The following TXNDC8 variants were observed in gnomAD, a reference collection of about 807,000 sequenced individuals.
TXNDC8 encodes thioredoxin domain-containing protein 8.
TXNDC8 carries 15 observed loss-of-function variants against 12.9 expected under a neutral mutation model. The ratio of observed to expected loss-of-function variants is 1.16; its 90% confidence interval spans 0.78 to 1.79. TXNDC8 has a LOEUF of 1.79. Among genes scored for constraint, TXNDC8 ranks in the 40% most tolerant of loss-of-function variants. The pLI, the probability that TXNDC8 is intolerant of heterozygous loss-of-function variation, is 0.00. For missense variants in TXNDC8, 128 were observed against 113.2 expected (o/e 1.13, Z -0.59); for synonymous variants, 40 against 35.4 (o/e 1.13, Z -0.46).
rs151020799 is a variant in TXNDC8 at position 110,327,356 on chromosome 9, C to T, written c.130-1116G>A. On this transcript the variant is annotated intron_variant, in intron 2 of 4. Coordinates refer to ENST00000423740, the MANE Select transcript of TXNDC8 (RefSeq NM_001286946.2). The stretch of plus-strand genomic sequence containing the variant: ...TTTTTTTTTGAGATGGAATTTCGCT[C>T]TTGTCGCCCTGGCTGGAGTGCAATG... Among the ~76,000 whole-genome samples the T allele has an allele frequency of 9.1e-3, 1,369 of 149,690 alleles. 19 individuals are homozygous for T. Among genetic ancestry groups the T allele is most frequent in the African/African-American group, 0.032 (1,305 of 40,572 alleles).
At chr9:110,318,424 G>A (rs1361031636) in intron 3 of TXNDC8, among the ~76,000 whole-genome samples, 1 of 152,120 alleles carries the variant, frequency 6.6e-6, no homozygotes, top group Non-Finnish European at 1.5e-5. Context: ...AGAAGAGCAG[G>A]GTAGGTACTG....
At chr9:110,316,122 C>G (rs1028895719) in intron 3 of TXNDC8, among the ~76,000 whole-genome samples, 3 of 150,202 alleles carry the variant, frequency 2.0e-5, no homozygotes, top group Non-Finnish European at 4.4e-5. Flanking sequence ...CTACTACCTG[C>G]TAGGCTGGTC....
intron 3 of TXNDC8, among the ~76,000 whole-genome samples, chr9:110,324,840 G>C (rs762702475): frequency 1.3e-5 from 2 of 152,144 alleles, no homozygotes; most frequent in Admixed American, 1.3e-4. Flanking sequence ...CACCAAGTGC[G>C]GTGGCACATG....
intron 3 of TXNDC8, among the ~76,000 whole-genome samples, chr9:110,325,564 T>C (rs886070596): frequency 4.8e-5 from 7 of 147,102 alleles, no homozygotes; most frequent in Admixed American, 1.4e-4. Flanking sequence ...TCGCCCAGGC[T>C]GGATGGAGTG....
intron 3 of TXNDC8, among the ~76,000 whole-genome samples, chr9:110,315,158 C>G (rs1185550919): frequency 6.6e-6 from 1 of 152,190 alleles, no homozygotes; most frequent in African/African-American, 2.4e-5. Context: ...AGTGCAATGG[C>G]ATGCTCTTGG....
At chr9:110,330,300 C>T (rs996741647) in intron 2 of TXNDC8, among the ~76,000 whole-genome samples, 6 of 152,190 alleles carry the variant, frequency 3.9e-5, no homozygotes, top group Non-Finnish European at 4.4e-5. Context: ...CTCTGGGTTT[C>T]CTGCTTTTAG....
chr9:110,321,533 G>T (rs771489382), intron 3 of TXNDC8, among the ~76,000 whole-genome samples: 1 of 152,066 alleles, frequency 6.6e-6, no homozygotes, highest in Non-Finnish European at 1.5e-5. Flanking sequence ...TGAACTCTAG[G>T]TTTTATTTTT....
intron 1 of TXNDC8, 141 bp downstream of exon 1, chr9:110,337,629 TAAA>T: frequency 2.7e-6 from 2 of 752,624 alleles, no homozygotes; most frequent in African/African-American, 1.8e-5. Flanking sequence ...AGGAACAAGA[TAAA>T]GAACAAGAAT....
intron 3 of TXNDC8, among the ~76,000 whole-genome samples, chr9:110,314,625 G>GT (rs1276041943): frequency 6.6e-6 from 1 of 151,754 alleles, no homozygotes. Flanking sequence ...GTAGAGACGG[G>GT]GTTTCACTGT....
intron 2 of TXNDC8, chr9:110,329,239 T>C (rs1279388768): frequency 1.2e-6 from 2 of 1,612,156 alleles, no homozygotes; most frequent in East Asian, 2.2e-5. Flanking sequence ...TACCGGAGAA[T>C]TGTTCACATC....
At position 110,323,868 on chromosome 9, in the gene TXNDC8, G is replaced by A. The variant is rs1421355853; in HGVS notation, c.195+2307C>T. 3.2e-6 allele frequency: 5 copies of A among 1,549,926 alleles called. No homozygotes were observed. The East Asian group carries it at 9.8e-5, about 30-fold the overall frequency. The stretch of plus-strand genomic sequence containing the variant: ...CAAATCCAGTGATATCAAAGGAGAA[G>A]GTTATTTACCTAGCTGCTTAAGCAA... On this transcript the variant is annotated intron_variant, in intron 3 of 4. Transcript: ENST00000423740.
At chr9:110,331,336 G>A (rs190291251) in intron 2 of TXNDC8, among the ~76,000 whole-genome samples, 3 of 152,102 alleles carry the variant, frequency 2.0e-5, no homozygotes, top group African/African-American at 7.2e-5. Context: ...GACTCTGACC[G>A]CTGCTCTGTT....
chr9:110,319,869 G>T (rs1004769176), intron 3 of TXNDC8, among the ~76,000 whole-genome samples: 5 of 152,286 alleles, frequency 3.3e-5, no homozygotes, highest in Admixed American at 6.5e-5. Flanking sequence ...GGAGCATGCT[G>T]TTGAAATGAC....
At chr9:110,324,859 C>G (rs1839243920) in intron 3 of TXNDC8, among the ~76,000 whole-genome samples, 1 of 152,182 alleles carries the variant, frequency 6.6e-6, no homozygotes, top group Non-Finnish European at 1.5e-5. Context: ...TGCCTGTAAT[C>G]CCATTACTTT....
intron 2 of TXNDC8, among the ~76,000 whole-genome samples, chr9:110,330,283 A>T (rs1234522969): frequency 1.3e-5 from 2 of 152,182 alleles, no homozygotes; most frequent in Non-Finnish European, 2.9e-5. Flanking sequence ...ATCATTACTG[A>T]CATTCACTCT....
chr9:110,334,892 G>A (rs138354040), intron 1 of TXNDC8, among the ~76,000 whole-genome samples: 3 of 126,696 alleles, frequency 2.4e-5, no homozygotes, highest in South Asian at 2.3e-4. Context: ...TTGTTTTTTG[G>A]GGGGGAAGTG....
At chr9:110,302,021 G>A (rs948830437), downstream of TXNDC8, among the ~76,000 whole-genome samples, 2 of 151,268 alleles carry the variant, frequency 1.3e-5, no homozygotes, top group African/African-American at 2.4e-5. Context: ...ACTGAGTCTC[G>A]CTCTATTATC....
intron 3 of TXNDC8, among the ~76,000 whole-genome samples, chr9:110,321,596 G>A (rs369478015): frequency 6.6e-6 from 1 of 152,098 alleles, no homozygotes; most frequent in Admixed American, 6.6e-5. Context: ...TCAGTTTTCA[G>A]TTGCGCTGTC....
intron 3 of TXNDC8, chr9:110,322,466 T>A: frequency 1.0e-6 from 1 of 985,418 alleles, no homozygotes; most frequent in Non-Finnish European, 1.2e-6. Context: ...ACCAGTTAGA[T>A]ATAATTGTTT....
Sources: gnomAD v4.1 joint callset for allele counts (sites outside exome capture counted in the v4.1 genomes callset) on GRCh38, gnomAD v4.1.1 for gene constraint, MANE v1.5 for transcripts, NCBI Gene and HGNC (gene_info 2026-07-23, HGNC 2026-07-21) for gene names.